Variants in MAML2 observed in about 807,000 individuals in gnomAD.
MAML2 encodes mastermind like transcriptional coactivator 2.
A neutral mutation model predicts 96.1 loss-of-function variants in MAML2; 22 were observed. The observed-to-expected ratio is 0.23, with a 90% CI of 0.16 to 0.33. The LOEUF is 0.33. MAML2 is among the 10% of genes least tolerant of loss of function. MAML2 has a pLI of 1.00. For synonymous variants in MAML2, 561 were observed against 521.3 expected, an observed-to-expected ratio of 1.08 and a Z score of -1.04; for missense variants, 1,367 against 1,392.4, an observed-to-expected ratio of 0.98 and a Z score of 0.29.
In MAML2 at chr11:96,111,126, T is replaced by C. The variant is rs111377798; in HGVS notation, c.514-17609A>G. Among the ~76,000 whole-genome samples the C allele has an allele frequency of 8.2e-3, 1,249 of 152,304 alleles. 10 individuals are homozygous for C. The highest frequency in any genetic ancestry group is 0.012 in the Non-Finnish European group (812 of 68,016). On this transcript the variant is annotated intron_variant, in intron 1 of 4. Coordinates refer to ENST00000524717, the MANE Select transcript of MAML2 (RefSeq NM_032427.4). ...AACCCTTGATCCATCTCTGCATCAA[T>C]TGAGACCATTCTCCACTATCTGTGC...
At chr11:96,251,406 G>A (rs1157865132) in intron 1 of MAML2, among the ~76,000 whole-genome samples, 2 of 152,112 alleles carry the variant, frequency 1.3e-5, no homozygotes, top group African/African-American at 4.8e-5. Flanking sequence ...TTTTAATTAT[G>A]TCTTATAACA....
At chr11:96,285,243 C>G (rs188697750) in intron 1 of MAML2, among the ~76,000 whole-genome samples, 1 of 152,216 alleles carries the variant, frequency 6.6e-6, no homozygotes, top group Admixed American at 6.5e-5. Flanking sequence ...TGTTCCCTTA[C>G]TTAGAATATG....
chr11:96,055,649 C>A (rs988917196), intron 2 of MAML2, among the ~76,000 whole-genome samples: 5 of 152,150 alleles, frequency 3.3e-5, no homozygotes, highest in Admixed American at 1.3e-4. Flanking sequence ...GGCCCCCATC[C>A]TTTTGTGTCA....
chr11:96,068,544 G>A (rs1025537807), intron 2 of MAML2, among the ~76,000 whole-genome samples: 6 of 151,578 alleles, frequency 4.0e-5, no homozygotes, highest in African/African-American at 1.5e-4. Flanking sequence ...ATTGGTCTTG[G>A]GTAAGCCTGG....
intron 2 of MAML2, among the ~76,000 whole-genome samples, chr11:96,008,843 C>A (rs1858226984): frequency 6.6e-6 from 1 of 152,158 alleles, no homozygotes; most frequent in African/African-American, 2.4e-5. Flanking sequence ...ATTATCTCAT[C>A]CCAGGACATG....
At chr11:96,279,831 C>T (rs2135984992) in intron 1 of MAML2, among the ~76,000 whole-genome samples, 1 of 152,238 alleles carries the variant, frequency 6.6e-6, no homozygotes, top group South Asian at 2.1e-4. Flanking sequence ...TGTGTTATAA[C>T]CCACAGTGTG....
intron 1 of MAML2, among the ~76,000 whole-genome samples, chr11:96,218,086 T>C (rs1435897282): frequency 2.0e-5 from 3 of 152,234 alleles, no homozygotes; most frequent in Non-Finnish European, 2.9e-5. Flanking sequence ...TGATATTACA[T>C]AGGTAAATAC....
intron 2 of MAML2, among the ~76,000 whole-genome samples, chr11:96,036,605 C>G (rs575059422): frequency 5.3e-4 from 81 of 152,256 alleles, no homozygotes; most frequent in African/African-American, 1.9e-3. Flanking sequence ...TCACTTCTTT[C>G]TTTCCTACTT....
At chr11:96,045,916 T>C (rs545300885) in intron 2 of MAML2, among the ~76,000 whole-genome samples, 17 of 150,246 alleles carry the variant, frequency 1.1e-4, no homozygotes, top group South Asian at 1.1e-3. Flanking sequence ...TTTTTTTTTT[T>C]TTCCCCCATT....
chr11:96,025,623 G>A (rs1048133704), intron 2 of MAML2, among the ~76,000 whole-genome samples: 2 of 152,116 alleles, frequency 1.3e-5, no homozygotes, highest in African/African-American at 2.4e-5. Flanking sequence ...GCACAATCTC[G>A]GCTCACTGCA....
intron 3 of MAML2, among the ~76,000 whole-genome samples, chr11:95,990,710 C>G (rs540824278): frequency 6.6e-6 from 1 of 152,268 alleles, no homozygotes; most frequent in African/African-American, 2.4e-5. Context: ...ATTTCTGACT[C>G]TCACTACAAA....
At chr11:96,159,929 A>G (rs940599177) in intron 1 of MAML2, among the ~76,000 whole-genome samples, 2 of 152,192 alleles carry the variant, frequency 1.3e-5, no homozygotes, top group Admixed American at 6.5e-5. Flanking sequence ...TCTATATACT[A>G]GTTCTACTTT....
intron 2 of MAML2, 47 bp downstream of exon 2, chr11:96,091,845 C>T: frequency 6.3e-7 from 1 of 1,575,122 alleles, no homozygotes; most frequent in Non-Finnish European, 8.6e-7. Context: ...AAAGATCAAG[C>T]TAAATGGTCT....
At chr11:96,331,282 A>G (rs747450187) in intron 1 of MAML2, among the ~76,000 whole-genome samples, 3 of 152,164 alleles carry the variant, frequency 2.0e-5, no homozygotes, top group Non-Finnish European at 4.4e-5. Flanking sequence ...AACAATAAAC[A>G]AAAAAGACAA....
intron 1 of MAML2, among the ~76,000 whole-genome samples, chr11:96,106,029 T>A (rs1860016038): frequency 6.6e-6 from 1 of 152,188 alleles, no homozygotes; most frequent in African/African-American, 2.4e-5. Context: ...TACTTGCCAC[T>A]TATGGAAAAT....
At chr11:96,288,413 G>A (rs1863167478) in intron 1 of MAML2, among the ~76,000 whole-genome samples, 1 of 152,062 alleles carries the variant, frequency 6.6e-6, no homozygotes, top group Admixed American at 6.6e-5. Flanking sequence ...ATGATGACAG[G>A]CACCTGTAAT....
At chr11:96,284,714 C>T (rs186485522) in intron 1 of MAML2, among the ~76,000 whole-genome samples, 238 of 152,152 alleles carry the variant, frequency 1.6e-3, no homozygotes, top group African/African-American at 5.4e-3. Flanking sequence ...TATTAGCAAC[C>T]GCAGTTTAGA....
chr11:96,197,328 C>T (rs534194028), intron 1 of MAML2, among the ~76,000 whole-genome samples: 4 of 152,322 alleles, frequency 2.6e-5, no homozygotes, highest in African/African-American at 9.6e-5. Flanking sequence ...ATCTGGGTCA[C>T]TTTTTTGTAG....
chr11:96,325,613 C>T (rs1270209854), intron 1 of MAML2, among the ~76,000 whole-genome samples: 1 of 151,924 alleles, frequency 6.6e-6, no homozygotes, highest in Non-Finnish European at 1.5e-5. Context: ...CCTGTACCTC[C>T]TTGGGACACT....
Sources: gnomAD v4.1 joint callset for allele counts (sites outside exome capture counted in the v4.1 genomes callset) on GRCh38, gnomAD v4.1.1 for gene constraint, MANE v1.5 for transcripts, NCBI Gene and HGNC (gene_info 2026-07-23, HGNC 2026-07-21) for gene names.